Variants in DMRT1 observed in about 807,000 individuals in gnomAD.
DMRT1 encodes doublesex- and mab-3-related transcription factor 1.
In DMRT1, 7 loss-of-function variants were observed where a neutral mutation model predicts 32.3. The ratio of observed to expected loss-of-function variants is 0.22; its 90% confidence interval spans 0.12 to 0.41. DMRT1 has a LOEUF of 0.41. DMRT1 is among the 10% of genes least tolerant of loss of function. The pLI is 1.00. For missense variants in DMRT1, 625 were observed against 500.5 expected (o/e 1.25, Z -2.37); for synonymous variants, 278 against 206.1 (o/e 1.35, Z -2.99).
Position 842,230 on chromosome 9 carries a change from G to GTTTTTTTTTTTTTTTTTTTTTT in DMRT1, c.354+40_354+61dup, listed in dbSNP as rs780064237. On this transcript the variant is annotated intron_variant, in intron 1 of 4. Transcript: ENST00000382276. ...GTGCGGGAGCCCGGGTTCAGCCTTA[G>GTTTTTTTTTTTTTTTTTTTTTT]TTTTTTTTTTTTTTTTTTTTTTTAG... The GTTTTTTTTTTTTTTTTTTTTTT allele has an allele frequency of 6.1e-5, 77 of 1,267,086 alleles. 6 individuals are homozygous for GTTTTTTTTTTTTTTTTTTTTTT. In the African/African-American group the frequency reaches 1.5e-3, roughly 24 times the overall value. The allele number at this position is 1,267,086 out of a possible 1,614,324, so 78.5% of individuals were successfully genotyped here.
intron 2 of DMRT1, among the ~76,000 whole-genome samples, chr9:849,829 CT>C (rs200326522): frequency 0.024 from 3,360 of 142,068 alleles, 86 homozygotes; most frequent in African/African-American, 0.069. Flanking sequence ...CTCTCTCTCT[CT>C]TTTTTTTTTT....
At chr9:908,472 A>G (rs973747273) in intron 3 of DMRT1, among the ~76,000 whole-genome samples, 3 of 152,042 alleles carry the variant, frequency 2.0e-5, no homozygotes, top group African/African-American at 7.2e-5. Flanking sequence ...TGTTTTTTTA[A>G]AAAAGACTGA....
intron 2 of DMRT1, among the ~76,000 whole-genome samples, chr9:861,193 C>G (rs1236530184): frequency 6.6e-6 from 1 of 151,736 alleles, no homozygotes; most frequent in Non-Finnish European, 1.5e-5. Context: ...TTTTCCTAGG[C>G]AGAGGGCCCT....
chr9:893,988 A>G lies in DMRT1; in HGVS notation c.615A>G (p.Ser205=), dbSNP rs1817250815. Residue 205 remains serine, a synonymous_variant, in exon 3 of 5, where the codon TCA becomes TCG. Transcript: ENST00000382276. ...GHVENTPDLV[S]DSTYYSSFYQ... is the part of the protein sequence containing the mutation. ...TGGAGAACACACCTGACCTGGTTTC[A>G]GACTCCACCTACTACAGCAGCTTCT... The G allele has an allele frequency of 6.2e-7, 1 of 1,614,088 alleles. No individual in the cohort carries two copies. Among genetic ancestry groups the G allele is most frequent in the African/African-American group, 1.3e-5 (1 of 74,940 alleles).
At chr9:912,662 G>A (rs1340674963) in intron 3 of DMRT1, among the ~76,000 whole-genome samples, 1 of 152,140 alleles carries the variant, frequency 6.6e-6, no homozygotes, top group East Asian at 1.9e-4. Flanking sequence ...GGCAGCGTTA[G>A]CCAGTCTATT....
intron 2 of DMRT1, among the ~76,000 whole-genome samples, chr9:874,621 C>G (rs1816416342): frequency 6.6e-6 from 1 of 152,032 alleles, no homozygotes; most frequent in Non-Finnish European, 1.5e-5. Flanking sequence ...GAATTTGGAA[C>G]AAAGCAGTAC....
intron 3 of DMRT1, among the ~76,000 whole-genome samples, chr9:901,424 T>C (rs1381162431): frequency 6.6e-6 from 1 of 151,988 alleles, no homozygotes; most frequent in African/African-American, 2.4e-5. Flanking sequence ...CCTCCCGGGT[T>C]CAAGCGATTC....
At chr9:935,624 G>T (rs979410502) in intron 4 of DMRT1, among the ~76,000 whole-genome samples, 2 of 152,244 alleles carry the variant, frequency 1.3e-5, no homozygotes, top group African/African-American at 4.8e-5. Context: ...CTGAGGCTGT[G>T]AGAGTTTATG....
chr9:900,211 C>T (rs574469728), intron 3 of DMRT1, among the ~76,000 whole-genome samples: 1 of 151,602 alleles, frequency 6.6e-6, no homozygotes, highest in African/African-American at 2.4e-5. Flanking sequence ...GCTTGAAGCA[C>T]AGAAAAAAGT....
In DMRT1 at chr9:887,361, T is replaced by C. The variant is rs2146533; in HGVS notation, c.539-6551T>C. Among the ~76,000 whole-genome samples, 1,237 of 152,306 alleles carry C rather than the reference T, an allele frequency of 8.1e-3. 15 individuals are homozygous for C. The highest frequency in any genetic ancestry group is 0.028 in the African/African-American group (1,149 of 41,552). ...AAAGCACCTAGTCTATTCCCCCATC[T>C]CCTTATTCTCTTAGGTCTGTTTTTT... On this transcript the variant is annotated intron_variant, in intron 2 of 4. Transcript: ENST00000382276.
At chr9:909,605 T>A (rs922418533) in intron 3 of DMRT1, among the ~76,000 whole-genome samples, 2 of 152,096 alleles carry the variant, frequency 1.3e-5, no homozygotes, top group Non-Finnish European at 2.9e-5. Flanking sequence ...CTGTGAAGAG[T>A]CCTACCTTTA....
chr9:891,069 G>C (rs1817129550), intron 2 of DMRT1, among the ~76,000 whole-genome samples: 1 of 151,992 alleles, frequency 6.6e-6, no homozygotes, highest in Non-Finnish European at 1.5e-5. Context: ...GCCAGGTGTA[G>C]TGGCTCATGC....
chr9:901,171 C>T (rs1277616327), intron 3 of DMRT1, among the ~76,000 whole-genome samples: 2 of 152,168 alleles, frequency 1.3e-5, no homozygotes, highest in East Asian at 1.9e-4. Context: ...TGTACCACCA[C>T]ACCCAGCTAA....
intron 4 of DMRT1, among the ~76,000 whole-genome samples, chr9:942,256 A>G (rs1819098754): frequency 6.6e-6 from 1 of 152,108 alleles, no homozygotes; most frequent in Admixed American, 6.5e-5. Context: ...GTCTTTCTTT[A>G]AAGAGAAATA....
At chr9:904,361 TAGG>T (rs1167422659) in intron 3 of DMRT1, among the ~76,000 whole-genome samples, 1 of 152,216 alleles carries the variant, frequency 6.6e-6, no homozygotes, top group Non-Finnish European at 1.5e-5. Flanking sequence ...TCAGATTTCT[TAGG>T]AGTCTATATT....
At chr9:848,245 A>G (rs112922767) in intron 2 of DMRT1, among the ~76,000 whole-genome samples, 35 of 152,328 alleles carry the variant, frequency 2.3e-4, no homozygotes, top group African/African-American at 7.7e-4. Context: ...GCAACTTTGG[A>G]GAAGTTACTT....
intron 2 of DMRT1, among the ~76,000 whole-genome samples, chr9:863,336 AAG>A (rs1185685028): frequency 1.5e-5 from 2 of 135,776 alleles, no homozygotes; most frequent in Admixed American, 7.5e-5. Flanking sequence ...AAAAAAAAAA[AAG>A]GGCAGGGGAA....
chr9:927,655 C>T (rs955902110), intron 4 of DMRT1, among the ~76,000 whole-genome samples: 1 of 152,136 alleles, frequency 6.6e-6, no homozygotes, highest in African/African-American at 2.4e-5. Flanking sequence ...CCCGTATACA[C>T]GGGGTATACA....
At chr9:936,064 A>G (rs1818876213) in intron 4 of DMRT1, among the ~76,000 whole-genome samples, 1 of 152,214 alleles carries the variant, frequency 6.6e-6, no homozygotes, top group Admixed American at 6.5e-5. Flanking sequence ...TGTGGCAACA[A>G]TGCAGAGCTC....
Sources: gnomAD v4.1 joint callset for allele counts (sites outside exome capture counted in the v4.1 genomes callset) on GRCh38, gnomAD v4.1.1 for gene constraint, MANE v1.5 for transcripts, NCBI Gene and HGNC (gene_info 2026-07-23, HGNC 2026-07-21) for gene names.